Variants in AWAT1 observed in about 807,000 individuals in gnomAD.
AWAT1 encodes the protein diacyl-glycerol acyltransferase 2.
A neutral mutation model predicts 21.6 loss-of-function variants in AWAT1; 26 were observed. The observed-to-expected ratio is 1.20, with a 90% CI of 0.88 to 1.67. The LOEUF is 1.67. AWAT1 is among the 40% of genes most tolerant of loss of function. The pLI is 0.00. For synonymous variants in AWAT1, 102 were observed against 99.3 expected (o/e 1.03, Z -0.16); for missense variants, 264 against 249.4 (o/e 1.06, Z -0.39).
intron 3 of AWAT1, 145 bp from the exon 4 acceptor site, chrX:70,236,899 T>C (rs2085516678): frequency 3.9e-6 from 2 of 515,810 alleles, no homozygotes; most frequent in East Asian, 3.6e-5. Context: ...CAGAGACCAA[T>C]ATCTCAGCCC....
rs975303007 is a variant in AWAT1, at chrX:70,234,722, C to A, written c.27C>A (p.His9Gln). The change falls in exon 1 of 7, where the codon CAC becomes CAA. Residue 9 changes from histidine to glutamine, a missense_variant. Coordinates refer to ENST00000374521, the MANE Select transcript of AWAT1 (RefSeq NM_001013579.3). ...TGGCTCATTCCAAGCAGCCTAGTCA[C>A]TTCCAGAGTCTGATGCTTCTGCAGT... MAHSKQPS[H>Q]FQSLMLLQWP... The A allele has an allele frequency of 8.3e-7, 1 of 1,210,934 alleles. No individual in the cohort carries two copies. The highest frequency in any genetic ancestry group is 2.2e-5 in the Admixed American group (1 of 45,999).
chrX:70,236,406 T>C (rs1444718426), intron 3 of AWAT1, among the ~76,000 whole-genome samples: 1 of 112,178 alleles, frequency 8.9e-6, no homozygotes, highest in Non-Finnish European at 1.9e-5. Context: ...GAAAATCTAC[T>C]CTGAACCACG....
intron 5 of AWAT1, 131 bp downstream of exon 5, chrX:70,238,514 T>C: frequency 1.4e-6 from 1 of 704,435 alleles, no homozygotes; most frequent in South Asian, 4.1e-5. Flanking sequence ...AAATGGGTCA[T>C]CCAGTCCTTC....
At chrX:70,235,322 A>G (rs1184125655) in intron 1 of AWAT1, among the ~76,000 whole-genome samples, 1 of 110,280 alleles carries the variant, frequency 9.1e-6, no homozygotes, top group Non-Finnish European at 1.9e-5. Flanking sequence ...GTAGGAAGAT[A>G]TAGATAGTAT....
chrX:70,237,231 A>T lies in AWAT1; in HGVS notation c.443A>T (p.Glu148Val). 8.3e-7 allele frequency: 1 copy of T among 1,206,891 alleles called. No homozygotes were observed. Reference sequence around the variant, plus strand: ...TTCTTCAAGATCCCCTTTGTTAGGGAGTACCTCATGGCCAAAGGTGCTTCT... The same window carrying T: ...TTCTTCAAGATCCCCTTTGTTAGGGTGTACCTCATGGCCAAAGGTGCTTCT... ...SWFFKIPFVR[E>V]YLMAKGVCSV... is the part of the protein sequence containing the mutation. Residue 148 changes from glutamate to valine, a missense_variant, in exon 4 of 7, where the codon GAG (glutamate) becomes GTG (valine). Physicochemically the swap from Glu to Val is moderately radical, Grantham distance 121 (BLOSUM62 -2). Transcript: ENST00000374521.
At chrX:70,238,100 TG>T (rs1201945605) in intron 4 of AWAT1, 111 bp from the exon 5 acceptor site, 4 of 747,897 alleles carry the variant, frequency 5.3e-6, no homozygotes, top group Non-Finnish European at 7.7e-6. Context: ...CCCATCTCAT[TG>T]CTCCTCTCCT....
chrX:70,239,182 C>G (rs760848073), intron 5 of AWAT1, among the ~76,000 whole-genome samples: 1 of 112,482 alleles, frequency 8.9e-6, no homozygotes, highest in South Asian at 3.7e-4. Flanking sequence ...CCTTTCTGAA[C>G]CTGTACTTCT....
Position 70,237,027 on chromosome X carries a change from T to C in AWAT1, c.256-17T>C, listed in dbSNP as rs747433204. 1.7e-6 allele frequency: 2 copies of C among 1,187,052 alleles called. No individual in the cohort carries two copies. The highest frequency in any genetic ancestry group is 3.7e-5 in the South Asian group (2 of 54,597). On this transcript the variant is annotated splice_polypyrimidine_tract_variant and intron_variant, in intron 3 of 6. Transcript: ENST00000374521. ...ATCTCATTCCACCACCTCTGGCATT[T>C]CTCTCCATGGCTGCAGATCCTGAAG...
intron 4 of AWAT1, 80 bp downstream of exon 4, chrX:70,237,328 TC>T: frequency 4.6e-6 from 4 of 863,463 alleles, no homozygotes; most frequent in South Asian, 2.3e-5. Flanking sequence ...CATCCCCTCC[TC>T]CCCCCACCCG....
At position 70,236,155 on chromosome X, in the gene AWAT1, C is replaced by T. The variant is rs748626244; in HGVS notation, c.255+16C>T. The T allele has an allele frequency of 6.8e-6, 8 of 1,179,309 alleles. No homozygotes were observed. The East Asian group carries it at 2.4e-4, about 35-fold the overall frequency. On this transcript the variant is annotated intron_variant, in intron 3 of 6. Transcript: ENST00000374521. ...CCCCATTACGGTAAGTATCTCTTCC[C>T]CAGTGTCCTCAGAGTTCCCAAAATA...
At chrX:70,234,871 C>A in intron 1 of AWAT1, 100 bp downstream of exon 1, 1 of 737,201 alleles carries the variant, frequency 1.4e-6, no homozygotes, top group South Asian at 2.3e-5. Flanking sequence ...CATTTTGAGC[C>A]TTTCCATCAT....
chrX:70,240,046 G>T, intron 6 of AWAT1, 90 bp from the exon 7 acceptor site: 1 of 1,140,254 alleles, frequency 8.8e-7, no homozygotes, highest in Non-Finnish European at 1.2e-6. Context: ...GATCTGGGAT[G>T]CGAGAGTCAG....
intron 4 of AWAT1, 147 bp from the exon 5 acceptor site, chrX:70,238,065 C>A: frequency 1.9e-6 from 1 of 523,336 alleles, no homozygotes; most frequent in Non-Finnish European, 2.9e-6. Context: ...TTGTCAACAG[C>A]CTTTTCTTCT....
In AWAT1 at chrX:70,237,429, T is replaced by C. The variant is rs2085518966; in HGVS notation, c.460+181T>C. 8.8e-6 allele frequency: 4 copies of C among 453,782 alleles called. No homozygotes were observed. In the South Asian group the frequency reaches 1.0e-4, roughly 11 times the overall value. The allele number at this position is 453,782 out of a possible 1,213,427, so 37.4% of individuals were successfully genotyped here. A position where few individuals can be genotyped will look rare whatever the true frequency, so the allele number is the denominator to read the frequency against. On this transcript the variant is annotated intron_variant, in intron 4 of 6. Coordinates refer to ENST00000374521, the MANE Select transcript of AWAT1 (RefSeq NM_001013579.3). ...AACCCTCCTAGCTCTACCACTTGTG[T>C]GGTCTTGAGCAAACTAGCCTCAGTT...
rs1451404091 is a variant in AWAT1 at position 70,240,436 on chromosome X, C to T, written c.*146C>T. 31 of 632,043 alleles carry T rather than the reference C, an allele frequency of 4.9e-5. No homozygotes were observed. Among genetic ancestry groups the T allele is most frequent in the Non-Finnish European group, 6.7e-5 (28 of 419,134 alleles). The allele number at this position is 632,043 out of a possible 1,213,427, so 52.1% of individuals were successfully genotyped here. A position where few individuals can be genotyped will look rare whatever the true frequency, so the allele number is the denominator to read the frequency against. On this transcript the variant is annotated 3_prime_UTR_variant, in exon 7 of 7. Transcript: ENST00000374521. Reference sequence around the variant, plus strand: ...GAATTCCTTCTTTGCCTTCTTGCCACAGGGTCCTTACAGGAATTCTTTCTG... The same window carrying T: ...GAATTCCTTCTTTGCCTTCTTGCCATAGGGTCCTTACAGGAATTCTTTCTG...
intron 2 of AWAT1, 110 bp from the exon 3 acceptor site, chrX:70,235,959 C>T (rs1372381005): frequency 4.5e-6 from 4 of 898,463 alleles, no homozygotes; most frequent in Non-Finnish European, 6.4e-6. Context: ...ATCCTAGGGT[C>T]TCCTCCTTTC....
rs2085532445 is a variant in AWAT1, at chrX:70,240,170, G to A, written c.867G>A (p.Lys289=). The change falls in exon 7 of 7, where the codon AAG becomes AAA. Residue 289 remains lysine, a synonymous_variant. Transcript: ENST00000374521. The part of the protein sequence containing the change: ...GEPLPLPQIE[K]PSQEMVDKYH... ...CTCTGCCACTGCCCCAAATTGAAAA[G>A]CCAAGCCAGGAGATGGTGGACAAAT... 1 of 1,209,750 alleles carries A rather than the reference G, an allele frequency of 8.3e-7. No homozygotes were observed. The highest frequency in any genetic ancestry group is 1.7e-5 in the African/African-American group (1 of 57,195).
At position 70,238,312 on chromosome X, in the gene AWAT1, A is replaced by G; in HGVS notation, c.561A>G (p.Gln187=). ...TGGGAGGTGTGGGTGAGGCCCTGCA[A>G]AGTGTGCCCAACACCACCACCCTCA... ...IVVGGVGEAL[Q]SVPNTTTLIL... The change falls in exon 5 of 7, where the codon CAA becomes CAG. Residue 187 remains glutamine, a synonymous_variant. Coordinates refer to ENST00000374521, the MANE Select transcript of AWAT1 (RefSeq NM_001013579.3). 5.8e-6 allele frequency: 7 copies of G among 1,210,112 alleles called. No individual in the cohort carries two copies. Among genetic ancestry groups the G allele is most frequent in the Non-Finnish European group, 7.8e-6 (7 of 894,369 alleles).
Position 70,237,131 on chromosome X carries a change from A to G in AWAT1, c.343A>G (p.Asn115Asp). 1 of 1,207,701 alleles carries G rather than the reference A, an allele frequency of 8.3e-7. No individual in the cohort carries two copies. The highest frequency in any genetic ancestry group is 1.1e-6 in the Non-Finnish European group (1 of 893,396). Residue 115 changes from asparagine (N) to aspartate (D), a missense_variant, in exon 4 of 7, where the codon AAC (asparagine) becomes GAC (aspartate). Transcript: ENST00000374521. ...HGLLTFGAFCNFCTEATGFSK... is the reference protein window; with the variant it reads ...HGLLTFGAFCDFCTEATGFSK... ...CCTCCTGACCTTTGGCGCCTTCTGC[A>G]ACTTCTGCACTGAGGCCACAGGCTT...
Sources: allele counts gnomAD v4.1 joint callset (sites outside exome capture counted in the v4.1 genomes callset), GRCh38; gene constraint gnomAD v4.1.1; transcripts MANE v1.5; gene names NCBI Gene and HGNC (gene_info 2026-07-23, HGNC 2026-07-21).